Variants in MTOR observed in about 807,000 individuals in gnomAD.
MTOR encodes the protein serine/threonine-protein kinase mTOR.
A neutral mutation model predicts 319.8 loss-of-function variants in MTOR; 70 were observed. The observed-to-expected ratio is 0.22, with a 90% CI of 0.18 to 0.27. MTOR has a LOEUF of 0.27. Among genes scored for constraint, MTOR ranks in the 10% least tolerant of loss-of-function variants. MTOR has a pLI of 1.00. For missense variants in MTOR, 1,890 were observed against 3,274.4 expected (o/e 0.58, Z 10.32); for synonymous variants, 1,183 against 1,211.4 (o/e 0.98, Z 0.49).
At chr1:11,184,657 C>A (rs965200049) in intron 28 of MTOR, among the ~76,000 whole-genome samples, 1 of 152,142 alleles carries the variant, frequency 6.6e-6, no homozygotes, top group East Asian at 1.9e-4. Context: ...CTTCAGCTCA[C>A]GAGTTCCAGG....
chr1:11,185,739 G>C (rs1284178123), intron 28 of MTOR, among the ~76,000 whole-genome samples: 1 of 152,184 alleles, frequency 6.6e-6, no homozygotes, highest in Non-Finnish European at 1.5e-5. Flanking sequence ...TATCTTCTGT[G>C]ATGGACTTGG....
chr1:11,235,706 G>A (rs920108609), intron 13 of MTOR, among the ~76,000 whole-genome samples: 1 of 151,950 alleles, frequency 6.6e-6, no homozygotes, highest in Non-Finnish European at 1.5e-5. Context: ...AGAGCCAGCC[G>A]GGCGAGGTGG....
chr1:11,210,767 T>G, intron 24 of MTOR, 47 bp downstream of exon 24: 1 of 1,349,700 alleles, frequency 7.4e-7, no homozygotes, highest in Non-Finnish European at 1.0e-6. Context: ...GAATATCAAG[T>G]AGTAAAGACA....
Position 11,144,962 on chromosome 1 carries a change from A to G in MTOR, c.4764+6T>C. 3.7e-6 allele frequency: 6 copies of G among 1,613,872 alleles called. No individual in the cohort carries two copies. The highest frequency in any genetic ancestry group is 4.2e-6 in the Non-Finnish European group (5 of 1,179,760). On this transcript the variant is annotated splice_donor_region_variant and intron_variant, in intron 33 of 57. Coordinates refer to ENST00000361445, the MANE Select transcript of MTOR (RefSeq NM_004958.4). ...AATGACAATGTGCAGAATAGTTGAC[A>G]CTTACCCCATATGCCCGACTGTAAC...
At chr1:11,182,173 C>T (rs193151021) in intron 28 of MTOR, among the ~76,000 whole-genome samples, 9 of 151,406 alleles carry the variant, frequency 5.9e-5, no homozygotes, top group Admixed American at 3.9e-4. Flanking sequence ...GCTGAGATTG[C>T]GCCACTGCGC....
chr1:11,252,273 CTTGA>C (rs1397043392), intron 6 of MTOR, among the ~76,000 whole-genome samples: 1 of 151,578 alleles, frequency 6.6e-6, no homozygotes, highest in Non-Finnish European at 1.5e-5. Flanking sequence ...TTGTTTTTTC[CTTGA>C]TTTTTTTTTT....
At chr1:11,160,075 C>CATTTA in intron 29 of MTOR, among the ~76,000 whole-genome samples, 1 of 143,420 alleles carries the variant, frequency 7.0e-6, no homozygotes, top group African/African-American at 2.6e-5. Flanking sequence ...TCAATTATAG[C>CATTTA]ATTTATTTAT....
intron 28 of MTOR, chr1:11,193,871 A>G: frequency 8.3e-7 from 1 of 1,208,992 alleles, no homozygotes; most frequent in East Asian, 2.5e-5. Flanking sequence ...ATTCAAGACA[A>G]ATCTGTATAT....
chr1:11,193,625 C>T lies in MTOR; in HGVS notation c.4253+5633G>A, dbSNP rs747337772. 3.1e-6 allele frequency: 5 copies of T among 1,611,842 alleles called. No individual in the cohort carries two copies. The East Asian group carries it at 1.1e-4, about 36-fold the overall frequency. On this transcript the variant is annotated intron_variant, in intron 28 of 57. Transcript: ENST00000361445. ...TTCAGGCGGAGGCTGGACCATCATC[C>T]AGAGACGAAAAAGTGGCCTTGTCTC...
intron 54 of MTOR, among the ~76,000 whole-genome samples, chr1:11,110,768 G>C (rs1466786130): frequency 6.6e-6 from 1 of 152,084 alleles, no homozygotes; most frequent in Non-Finnish European, 1.5e-5. Flanking sequence ...TGTTGCCCAG[G>C]CTAGTCTCAA....
Position 11,256,042 on chromosome 1 carries a change from G to C in MTOR, c.655C>G (p.Leu219Val). 1.2e-6 allele frequency: 2 copies of C among 1,614,172 alleles called. No homozygotes were observed. Among genetic ancestry groups the C allele is most frequent in the Non-Finnish European group, 1.7e-6 (2 of 1,180,036 alleles). Residue 219 changes from leucine (L) to valine (V), a missense_variant, in exon 5 of 58, where the codon CTC (leucine) becomes GTC (valine). By Grantham distance (32) the Leu-to-Val change is conservative. This residue lies in a region of MTOR where 81 missense variants were observed against 203.6 expected (regional missense o/e 0.40). Transcript: ENST00000361445. ...TCCTTCGGCTCACGCTGGGTTGTGA[G>C]AATCAGACAGGCACGAAGGGCGGCT... ...AVAALRACLI[L>V]TTQREPKEMQ... is the part of the protein sequence containing the mutation.
intron 28 of MTOR, among the ~76,000 whole-genome samples, chr1:11,188,658 A>G (rs932375384): frequency 5.9e-5 from 9 of 152,178 alleles, no homozygotes; most frequent in African/African-American, 2.4e-5. Flanking sequence ...CAAGTGTTAT[A>G]TGCTAATACT....
At chr1:11,213,156 A>G (rs17374795) in intron 21 of MTOR, among the ~76,000 whole-genome samples, 2,121 of 152,354 alleles carry the variant, frequency 0.014, 23 homozygotes, top group Non-Finnish European at 0.022. Flanking sequence ...AAAGAAAATT[A>G]GTCTGGGATA....
At position 11,210,844 on chromosome 1, in the gene MTOR, G is replaced by A. The variant is rs763548926; in HGVS notation, c.3624C>T (p.Arg1208=). The change falls in exon 24 of 58, where the codon CGC becomes CGT. Residue 1208 remains arginine, a synonymous_variant. Transcript: ENST00000361445. ...CAATTCTGCAGATGAGCACATCATA[G>A]CGCTGATGATTGATTCGGTGTCGCA... is the stretch of plus-strand genomic sequence containing the variant. The part of the protein sequence containing the change: ...VLVRHRINHQ[R]YDVLICRIVK... 26 of 1,613,712 alleles carry A rather than the reference G, an allele frequency of 1.6e-5. No homozygotes were observed. Among genetic ancestry groups the A allele is most frequent in the Non-Finnish European group, 2.1e-5 (25 of 1,179,898 alleles).
At chr1:11,193,806 A>G in intron 28 of MTOR, 2 of 1,609,290 alleles carry the variant, frequency 1.2e-6, no homozygotes, top group South Asian at 1.1e-5. Context: ...CCATGACTGG[A>G]CCAGTGCCAC....
chr1:11,113,574 T>G (rs1277138868), intron 53 of MTOR, among the ~76,000 whole-genome samples: 2 of 151,350 alleles, frequency 1.3e-5, no homozygotes, highest in African/African-American at 4.8e-5. Context: ...TGATTTTATT[T>G]TTTATTTGTT....
chr1:11,142,023 A>AAATG (rs1319739514), intron 34 of MTOR, among the ~76,000 whole-genome samples: 2 of 151,530 alleles, frequency 1.3e-5, no homozygotes, highest in African/African-American at 2.4e-5. Flanking sequence ...ATAAATAAAT[A>AAATG]AATAAAATAA....
At chr1:11,240,219 C>G in intron 11 of MTOR, 84 bp downstream of exon 11, 2 of 1,486,854 alleles carry the variant, frequency 1.3e-6, no homozygotes. Context: ...CCAGCAAGAT[C>G]CAGGAATCCT....
rs902141948 is a variant in MTOR at position 11,204,846 on chromosome 1, A to C, written c.3802-143T>G. The C allele has an allele frequency of 1.6e-5, 16 of 1,002,368 alleles. No homozygotes were observed. The African/African-American group carries it at 2.5e-4, about 15-fold the overall frequency. The allele number at this position is 1,002,368 out of a possible 1,614,324, so 62.1% of individuals were successfully genotyped here. ...AAATTCCCCTAGAGTACAAATACAA[A>C]AGAATAATATTTAATTAAGAACAGC... is the stretch of plus-strand genomic sequence containing the variant. On this transcript the variant is annotated intron_variant, in intron 25 of 57. Coordinates refer to ENST00000361445, the MANE Select transcript of MTOR (RefSeq NM_004958.4).
Sources: allele counts gnomAD v4.1 joint callset (sites outside exome capture counted in the v4.1 genomes callset), GRCh38; gene constraint gnomAD v4.1.1; regional missense constraint gnomAD v4.1.1; transcripts MANE v1.5; gene names NCBI Gene and HGNC (gene_info 2026-07-23, HGNC 2026-07-21).